Variants in PPFIA2 observed in about 807,000 individuals in gnomAD.
The protein encoded by PPFIA2 is PPFI scaffold protein A2.
Under a neutral mutation model 175.5 loss-of-function variants are expected in PPFIA2, and 46 were observed. The observed-to-expected ratio is 0.26, with a 90% CI of 0.21 to 0.34. PPFIA2 has a LOEUF of 0.34. Among genes scored for constraint, PPFIA2 ranks in the 10% least tolerant of loss-of-function variants. The pLI is 1.00. For missense variants in PPFIA2, 1,179 were observed against 1,506.1 expected, an observed-to-expected ratio of 0.78 and a Z score of 3.60; for synonymous variants, 568 against 511.4, an observed-to-expected ratio of 1.11 and a Z score of -1.49.
rs141294813 is a variant in PPFIA2 at position 81,529,118 on chromosome 12, GCA to G, written c.304-71254_304-71253del. Among the ~76,000 whole-genome samples the G allele has an allele frequency of 4.7e-3, 709 of 152,058 alleles. 2 individuals are homozygous for G. Among genetic ancestry groups the G allele is most frequent in the Non-Finnish European group, 7.2e-3 (489 of 67,954 alleles). On this transcript the variant is annotated intron_variant, in intron 4 of 32. Transcript: ENST00000549396. ...ATGACTTCATCTGGAATCAAGAAAG[GCA>G]CAGTCTCTCAGAGTCAATGTGTCAG...
chr12:81,613,770 A>C (rs12320224), intron 4 of PPFIA2, among the ~76,000 whole-genome samples: 1,765 of 152,284 alleles, frequency 0.012, 34 homozygotes, highest in African/African-American at 0.041. Flanking sequence ...GTTGGTATTC[A>C]ATAACTATTT....
chr12:81,395,797 C>A (rs2142437820), intron 8 of PPFIA2, among the ~76,000 whole-genome samples: 1 of 152,072 alleles, frequency 6.6e-6, no homozygotes, highest in Non-Finnish European at 1.5e-5. Context: ...CAGTCTTTCC[C>A]CTTACTTTCC....
At chr12:81,330,483 T>G (rs1475219996) in intron 21 of PPFIA2, among the ~76,000 whole-genome samples, 2 of 152,218 alleles carry the variant, frequency 1.3e-5, no homozygotes, top group African/African-American at 2.4e-5. Flanking sequence ...AATGCTCTAT[T>G]CCTAAATAAA....
rs1197242026 is a variant in PPFIA2 at position 81,281,379 on chromosome 12, G to A, written c.3090C>T (p.Pro1030=). 1.9e-6 allele frequency: 3 copies of A among 1,611,048 alleles called. No homozygotes were observed. Among genetic ancestry groups the A allele is most frequent in the Non-Finnish European group, 1.7e-6 (2 of 1,177,682 alleles). The change falls in exon 27 of 33, where the codon CCC becomes CCT. Residue 1030 remains proline (P), a synonymous_variant. Coordinates refer to ENST00000549396, the MANE Select transcript of PPFIA2 (RefSeq NM_003625.5). The part of the protein sequence containing the change: ...NHEWIGNEWL[P]SLGLPQYRSY... ...TTCTGTACTGAGGTAACCCCAAGCTGGGAAGCCATTCATTTCCAATCCACT... is the reference window on the plus strand; with the variant it reads ...TTCTGTACTGAGGTAACCCCAAGCTAGGAAGCCATTCATTTCCAATCCACT...
intron 8 of PPFIA2, among the ~76,000 whole-genome samples, chr12:81,405,210 T>C (rs954820247): frequency 4.6e-5 from 7 of 152,158 alleles, no homozygotes; most frequent in African/African-American, 1.4e-4. Flanking sequence ...ATAAAAAATG[T>C]AAAAGTCCCA....
intron 3 of PPFIA2, among the ~76,000 whole-genome samples, chr12:81,730,111 C>T (rs183398646): frequency 6.6e-6 from 1 of 151,714 alleles, no homozygotes; most frequent in Admixed American, 6.6e-5. Context: ...AATTTGTGAT[C>T]ACGTGTTACA....
At chr12:81,415,196 AAAAAAAAAAAAAAAATATATATATAT>A (rs2044786931) in intron 7 of PPFIA2, among the ~76,000 whole-genome samples, 1 of 53,734 alleles carries the variant, frequency 1.9e-5, no homozygotes, top group Non-Finnish European at 3.5e-5. Context: ...AAAAAAAAAA[AAAAAAAAAAAAAAAATATATATATAT>A]ATATATATAT....
At chr12:81,643,887 G>T (rs1408283996) in intron 4 of PPFIA2, among the ~76,000 whole-genome samples, 1 of 151,908 alleles carries the variant, frequency 6.6e-6, no homozygotes, top group Non-Finnish European at 1.5e-5. Context: ...TTTTCTGTTT[G>T]GGGAAGGGCT....
chr12:81,673,585 C>A (rs2071853881), intron 4 of PPFIA2, among the ~76,000 whole-genome samples: 1 of 151,886 alleles, frequency 6.6e-6, no homozygotes. Context: ...TGCTCTTATG[C>A]TGGAGGTTAA....
chr12:81,467,590 G>A (rs2055915431), intron 4 of PPFIA2, among the ~76,000 whole-genome samples: 1 of 152,066 alleles, frequency 6.6e-6, no homozygotes, highest in South Asian at 2.1e-4. Flanking sequence ...TACATTATTT[G>A]AACATTTGAT....
At chr12:81,361,556 GT>G (rs1555313098) in intron 15 of PPFIA2, among the ~76,000 whole-genome samples, 1 of 151,266 alleles carries the variant, frequency 6.6e-6, no homozygotes, top group Non-Finnish European at 1.5e-5. Context: ...ATCAAATATT[GT>G]TTTTCCTTAC....
Position 81,650,793 on chromosome 12 carries a change from T to C in PPFIA2, c.303+25998A>G, listed in dbSNP as rs530865125. On this transcript the variant is annotated intron_variant, in intron 4 of 32. Transcript: ENST00000549396. ...AGATTTAGCTACCTGCAGTGGAAGC[T>C]ATGATTGTTCTTGACCACCGTAAAA... 2.0e-5 allele frequency among the ~76,000 whole-genome samples: 3 copies of C among 152,332 alleles called. No homozygotes were observed. In the East Asian group the frequency reaches 5.8e-4, roughly 29 times the overall value.
At chr12:81,643,379 G>T (rs1234273991) in intron 4 of PPFIA2, among the ~76,000 whole-genome samples, 1 of 151,848 alleles carries the variant, frequency 6.6e-6, no homozygotes, top group Non-Finnish European at 1.5e-5. Flanking sequence ...CCTGCATAAT[G>T]ATTTCTAGTA....
At chr12:81,498,670 G>C (rs901392209) in intron 4 of PPFIA2, among the ~76,000 whole-genome samples, 1 of 152,018 alleles carries the variant, frequency 6.6e-6, no homozygotes, top group Non-Finnish European at 1.5e-5. Context: ...TGTCACCCAG[G>C]CTTGAGTGCA....
chr12:81,743,566 T>C (rs2082644136), intron 3 of PPFIA2, among the ~76,000 whole-genome samples: 1 of 151,510 alleles, frequency 6.6e-6, no homozygotes, highest in Non-Finnish European at 1.5e-5. Flanking sequence ...ATGCTTTCAG[T>C]TATAATTTAT....
chr12:81,714,133 G>C (rs1404298855), intron 3 of PPFIA2, among the ~76,000 whole-genome samples: 1 of 151,078 alleles, frequency 6.6e-6, no homozygotes, highest in Non-Finnish European at 1.5e-5. Context: ...TGTGGTCAGA[G>C]AGAGAGAGGT....
intron 3 of PPFIA2, among the ~76,000 whole-genome samples, chr12:81,723,339 A>G (rs1227800222): frequency 6.6e-6 from 1 of 151,106 alleles, no homozygotes; most frequent in Non-Finnish European, 1.5e-5. Flanking sequence ...CACATAATTT[A>G]TGGTGAGGAT....
At chr12:81,547,458 C>A (rs759666799) in intron 4 of PPFIA2, among the ~76,000 whole-genome samples, 2 of 152,120 alleles carry the variant, frequency 1.3e-5, no homozygotes, top group East Asian at 1.9e-4. Flanking sequence ...TCACCGCAAC[C>A]TCTGCCTCCC....
At position 81,626,039 on chromosome 12, in the gene PPFIA2, C is replaced by A. The variant is rs189229809; in HGVS notation, c.303+50752G>T. Among the ~76,000 whole-genome samples, 37 of 151,590 alleles carry A rather than the reference C, an allele frequency of 2.4e-4. 2 individuals carry two copies. The highest frequency in any genetic ancestry group is 8.9e-4 in the African/African-American group (37 of 41,454). On this transcript the variant is annotated intron_variant, in intron 4 of 32. Transcript: ENST00000549396. ...GGCTCTACTAAGTTGACAGAAATGT[C>A]CAGTTTCAAAAGCAAAATATATAAA... is the stretch of plus-strand genomic sequence containing the variant.
Sources: allele counts gnomAD v4.1 joint callset (sites outside exome capture counted in the v4.1 genomes callset), GRCh38; gene constraint gnomAD v4.1.1; transcripts MANE v1.5; gene names NCBI Gene and HGNC (gene_info 2026-07-23, HGNC 2026-07-21).